PTPRR: variants seen among roughly 807,000 people sequenced by gnomAD.
PTPRR encodes receptor-type tyrosine-protein phosphatase R.
PTPRR carries 38 observed loss-of-function variants against 77.2 expected under a neutral mutation model. The ratio of observed to expected loss-of-function variants is 0.49; its 90% confidence interval spans 0.38 to 0.65. The LOEUF is 0.65. PTPRR is among the 30% of genes least tolerant of loss of function. The probability of loss-of-function intolerance (pLI) is 0.00; values close to 1 mark genes in which losing one functional copy is unlikely to be tolerated. For synonymous variants in PTPRR, 299 were observed against 283.1 expected (o/e 1.06, Z -0.57); for missense variants, 744 against 799.2 (o/e 0.93, Z 0.83).
At chr12:70,766,563 G>A (rs1192624920) in intron 2 of PTPRR, among the ~76,000 whole-genome samples, 1 of 151,940 alleles carries the variant, frequency 6.6e-6, no homozygotes, top group African/African-American at 2.4e-5. Context: ...GTGACGGGGA[G>A]AATGGAACCA....
intron 2 of PTPRR, among the ~76,000 whole-genome samples, chr12:70,769,236 G>A (rs1303062734): frequency 3.5e-4 from 53 of 150,830 alleles, no homozygotes; most frequent in African/African-American, 1.3e-3. Flanking sequence ...GTTTGCAGAC[G>A]ACGTGATTGT....
intron 6 of PTPRR, among the ~76,000 whole-genome samples, chr12:70,721,388 C>T (rs1473363021): frequency 6.6e-6 from 1 of 152,142 alleles, no homozygotes; most frequent in Non-Finnish European, 1.5e-5. Context: ...CAGCCACCTC[C>T]CTTGGGCACA....
At chr12:70,847,866 C>T (rs533943467) in intron 2 of PTPRR, among the ~76,000 whole-genome samples, 29 of 152,230 alleles carry the variant, frequency 1.9e-4, no homozygotes, top group African/African-American at 7.0e-4. Flanking sequence ...TGGTAAAGAA[C>T]AGCTTAAAAA....
intron 2 of PTPRR, among the ~76,000 whole-genome samples, chr12:70,799,740 T>C (rs1891578833): frequency 6.6e-6 from 1 of 152,122 alleles, no homozygotes; most frequent in Admixed American, 6.6e-5. Context: ...AAAGAAGAGA[T>C]GAGTTTTTAT....
intron 2 of PTPRR, among the ~76,000 whole-genome samples, chr12:70,884,960 A>T (rs1893213969): frequency 6.6e-6 from 1 of 151,812 alleles, no homozygotes; most frequent in Non-Finnish European, 1.5e-5. Flanking sequence ...TAAGTTCTGA[A>T]ATAGAATGTT....
intron 2 of PTPRR, among the ~76,000 whole-genome samples, chr12:70,846,821 T>C (rs1892492938): frequency 6.6e-6 from 1 of 152,066 alleles, no homozygotes; most frequent in Non-Finnish European, 1.5e-5. Flanking sequence ...AGCTACTTGG[T>C]TTAGTGTATT....
chr12:70,840,152 G>A (rs910638369), intron 2 of PTPRR, among the ~76,000 whole-genome samples: 3 of 152,090 alleles, frequency 2.0e-5, no homozygotes, highest in Admixed American at 6.6e-5. Flanking sequence ...TAAAATCAAA[G>A]TATCACTGGG....
chr12:70,897,357 C>T (rs1031482560), intron 1 of PTPRR, among the ~76,000 whole-genome samples: 1 of 151,940 alleles, frequency 6.6e-6, no homozygotes, highest in Non-Finnish European at 1.5e-5. Flanking sequence ...TATGAACAGA[C>T]ACTTCTCAAA....
intron 2 of PTPRR, among the ~76,000 whole-genome samples, chr12:70,800,649 C>T (rs1258486944): frequency 1.3e-5 from 2 of 152,060 alleles, no homozygotes; most frequent in Non-Finnish European, 2.9e-5. Flanking sequence ...AATCCCAGCA[C>T]TGTGGGAGGC....
rs1893843180 is a variant in PTPRR at position 70,920,620 on chromosome 12, A to T, written c.-230T>A. On this transcript the variant is annotated 5_prime_UTR_variant, in exon 1 of 14. Transcript: ENST00000283228. ...AGGAGGTTGCGGGTAAGGGGAACAG[A>T]AGCGCTCAGAGGCGGCAAATGCCTG... is the stretch of plus-strand genomic sequence containing the variant. 1 of 478,724 alleles carries T rather than the reference A, an allele frequency of 2.1e-6. No homozygotes were observed. The highest frequency in any genetic ancestry group is 3.8e-6 in the Non-Finnish European group (1 of 260,822). 29.7% of individuals were successfully genotyped at this position (478,724 alleles called of 1,614,324 possible).
At chr12:70,672,785 C>T (rs753894383) in intron 10 of PTPRR, 11 of 1,561,238 alleles carry the variant, frequency 7.0e-6, no homozygotes, top group Admixed American at 3.4e-5. Flanking sequence ...AGGAAACCTT[C>T]TGTCTTTCTC....
intron 2 of PTPRR, among the ~76,000 whole-genome samples, chr12:70,875,821 C>T (rs1212797187): frequency 1.3e-5 from 2 of 152,098 alleles, no homozygotes; most frequent in East Asian, 1.9e-4. Flanking sequence ...AGAGCAGCTA[C>T]AAACTGTTGA....
intron 5 of PTPRR, among the ~76,000 whole-genome samples, chr12:70,753,896 T>G (rs766186709): frequency 6.6e-6 from 1 of 152,186 alleles, no homozygotes; most frequent in Non-Finnish European, 1.5e-5. Context: ...TTACTGACTT[T>G]GAGGGCTTCA....
intron 13 of PTPRR, among the ~76,000 whole-genome samples, chr12:70,652,630 A>C (rs1212039405): frequency 2.0e-5 from 3 of 152,146 alleles, no homozygotes; most frequent in African/African-American, 7.2e-5. Context: ...ATCAGCAGAG[A>C]AGTTGGATGT....
intron 2 of PTPRR, among the ~76,000 whole-genome samples, chr12:70,821,213 C>CCTTTTTTTTTTTT (rs1892002811): frequency 3.1e-5 from 1 of 31,972 alleles, no homozygotes; most frequent in Non-Finnish European, 6.1e-5. Context: ...GGGATCACTG[C>CCTTTTTTTTTTTT]TTTTTTTTTT....
At chr12:70,850,144 C>T (rs373812719) in intron 2 of PTPRR, among the ~76,000 whole-genome samples, 62 of 152,100 alleles carry the variant, frequency 4.1e-4, no homozygotes, top group African/African-American at 1.5e-3. Flanking sequence ...GGCAGATCAC[C>T]TGAGGTCAGG....
chr12:70,905,849 A>T (rs917252470), intron 1 of PTPRR, among the ~76,000 whole-genome samples: 4 of 151,992 alleles, frequency 2.6e-5, no homozygotes, highest in Non-Finnish European at 4.4e-5. Flanking sequence ...ACAATCAAAA[A>T]AAGGCTTTTA....
chr12:70,824,835 C>T (rs1480807391), intron 2 of PTPRR, among the ~76,000 whole-genome samples: 1 of 152,202 alleles, frequency 6.6e-6, no homozygotes, highest in Non-Finnish European at 1.5e-5. Flanking sequence ...TCACATACTG[C>T]TTTGACAGTG....
chr12:70,876,665 T>G (rs7960682), intron 2 of PTPRR, among the ~76,000 whole-genome samples: 17,974 of 152,224 alleles, frequency 0.12, 1,930 homozygotes, highest in African/African-American at 0.29. Flanking sequence ...GTGTGTTTAA[T>G]TGTATGGCAT....
Sources: allele counts gnomAD v4.1 joint callset (sites outside exome capture counted in the v4.1 genomes callset), GRCh38; gene constraint gnomAD v4.1.1; transcripts MANE v1.5; gene names NCBI Gene and HGNC (gene_info 2026-07-23, HGNC 2026-07-21).